The following NLGN1 variants were observed in gnomAD, a reference collection of about 807,000 sequenced individuals.
NLGN1 encodes neuroligin-1.
NLGN1 carries 12 observed loss-of-function variants against 65.5 expected under a neutral mutation model. The observed-to-expected ratio is 0.18, with a 90% CI of 0.12 to 0.30. The LOEUF is 0.30. Among genes scored for constraint, NLGN1 ranks in the 10% least tolerant of loss-of-function variants. The probability of loss-of-function intolerance (pLI) is 1.00; values close to 1 mark genes in which losing one functional copy is unlikely to be tolerated. For synonymous variants in NLGN1, 350 were observed against 359.5 expected, an observed-to-expected ratio of 0.97 and a Z score of 0.30; for missense variants, 750 against 1,007.1, an observed-to-expected ratio of 0.74 and a Z score of 3.46.
chr3:173,607,344 G>GTCT (rs1751548929), intron 3 of NLGN1, among the ~76,000 whole-genome samples: 2 of 151,766 alleles, frequency 1.3e-5, no homozygotes, highest in Admixed American at 1.3e-4. Context: ...AGTTTAAGTC[G>GTCT]GTTGTGCTTA....
At chr3:174,115,731 A>G (rs1258309801) in intron 4 of NLGN1, among the ~76,000 whole-genome samples, 1 of 152,220 alleles carries the variant, frequency 6.6e-6, no homozygotes, top group Non-Finnish European at 1.5e-5. Context: ...ACAATAACAA[A>G]GACAAAGCTC....
chr3:173,767,188 TAGAC>T lies in NLGN1; in HGVS notation c.494-40488_494-40485del, dbSNP rs367600463. Among the ~76,000 whole-genome samples the T allele has an allele frequency of 2.2e-4, 33 of 152,264 alleles. 1 individual carries two copies. Among genetic ancestry groups the T allele is most frequent in the South Asian group, 2.1e-3 (10 of 4,830 alleles). On this transcript the variant is annotated intron_variant, in intron 3 of 6. Coordinates refer to ENST00000457714, the Ensembl canonical transcript of NLGN1. The stretch of plus-strand genomic sequence containing the variant: ...TTCTTCAATAATGAGTATTTTCTAA[TAGAC>T]AGAGAAACAGAAATGTAAAATTGGT...
At chr3:174,235,007 TTTTTTTTTG>T (rs1444470581) in intron 4 of NLGN1, among the ~76,000 whole-genome samples, 8 of 125,424 alleles carry the variant, frequency 6.4e-5, no homozygotes, top group African/African-American at 2.1e-4. Flanking sequence ...TTTTTTTTTT[TTTTTTTTTG>T]TAAATAAGAG....
At chr3:174,246,979 C>T (rs1346062625) in intron 4 of NLGN1, among the ~76,000 whole-genome samples, 2 of 152,102 alleles carry the variant, frequency 1.3e-5, no homozygotes, top group African/African-American at 4.8e-5. Context: ...TGCTATGGTC[C>T]ATGTAGACAT....
At chr3:174,237,714 G>A (rs888548587) in intron 4 of NLGN1, among the ~76,000 whole-genome samples, 5 of 152,088 alleles carry the variant, frequency 3.3e-5, no homozygotes, top group African/African-American at 1.2e-4. Flanking sequence ...CCACCATAAT[G>A]TGTGGCTAAT....
intron 3 of NLGN1, among the ~76,000 whole-genome samples, chr3:173,681,744 C>G (rs971320538): frequency 6.6e-6 from 1 of 152,090 alleles, no homozygotes; most frequent in African/African-American, 2.4e-5. Context: ...CTTCACTGAC[C>G]ATAAGAATAC....
intron 2 of NLGN1, among the ~76,000 whole-genome samples, chr3:173,462,317 A>G (rs1432975747): frequency 6.6e-6 from 1 of 152,170 alleles, no homozygotes; most frequent in Non-Finnish European, 1.5e-5. Context: ...TAAGCAAGGT[A>G]CCAATGACAC....
intron 3 of NLGN1, among the ~76,000 whole-genome samples, chr3:173,721,334 T>C (rs2046719): frequency 0.56 from 84,539 of 152,136 alleles, 25,038 homozygotes; most frequent in East Asian, 0.75. Context: ...ATTTCTAATA[T>C]GCAAAAAGAT....
chr3:173,749,970 C>T lies in NLGN1; in HGVS notation c.494-57710C>T, dbSNP rs1327334950. ...CTCTCACGTGAAGGTAAACAGTTCCCAAACTAAGTAAAAGTGTGATGAAGT... is the reference window on the plus strand; with the variant it reads ...CTCTCACGTGAAGGTAAACAGTTCCTAAACTAAGTAAAAGTGTGATGAAGT... On this transcript the variant is annotated intron_variant, in intron 3 of 6. Transcript: ENST00000457714. Among the ~76,000 whole-genome samples the T allele has an allele frequency of 2.0e-5, 3 of 152,036 alleles. No homozygotes were observed. In the East Asian group the frequency reaches 5.8e-4, roughly 29 times the overall value.
At chr3:173,585,790 T>C (rs971054886) in intron 2 of NLGN1, among the ~76,000 whole-genome samples, 1 of 152,228 alleles carries the variant, frequency 6.6e-6, no homozygotes, top group African/African-American at 2.4e-5. Context: ...TCTTTCCAAC[T>C]GAGCGGTGCG....
Position 174,265,628 on chromosome 3 carries a change from A to G in NLGN1, c.647-9687A>G, listed in dbSNP as rs570929295. On this transcript the variant is annotated intron_variant, in intron 4 of 6. Coordinates refer to ENST00000457714, the Ensembl canonical transcript of NLGN1. ...CGGTACCTCAGATGGAAATGCAGAA[A>G]TCACCCGTCTTCTGCATCACTCATG... is the stretch of plus-strand genomic sequence containing the variant. Among the ~76,000 whole-genome samples the G allele has an allele frequency of 4.6e-5, 7 of 151,822 alleles. No homozygotes were observed. In the East Asian group the frequency reaches 1.4e-3, roughly 30 times the overall value.
At chr3:173,523,731 T>C (rs2149147149) in intron 2 of NLGN1, among the ~76,000 whole-genome samples, 1 of 151,760 alleles carries the variant, frequency 6.6e-6, no homozygotes, top group African/African-American at 2.4e-5. Context: ...TTGCTTTAGC[T>C]ATTTAGGCTC....
At chr3:173,483,586 CAAAGTT>C (rs994108759) in intron 2 of NLGN1, among the ~76,000 whole-genome samples, 6 of 151,934 alleles carry the variant, frequency 3.9e-5, no homozygotes, top group Admixed American at 1.3e-4. Flanking sequence ...CAGTTAAAGA[CAAAGTT>C]AATGATATTG....
At chr3:173,697,558 G>C in intron 3 of NLGN1, among the ~76,000 whole-genome samples, 1 of 151,680 alleles carries the variant, frequency 6.6e-6, no homozygotes, top group South Asian at 2.1e-4. Flanking sequence ...ACTGAGTTTC[G>C]CTCTTGTTGC....
rs554421601 is a variant in NLGN1 at position 173,766,556 on chromosome 3, T to C, written c.494-41124T>C. Among the ~76,000 whole-genome samples, 5 of 152,326 alleles carry C rather than the reference T, an allele frequency of 3.3e-5. No individual in the cohort carries two copies. The East Asian group carries it at 9.6e-4, about 29-fold the overall frequency. ...GACTATATTAGGTATGTGCTTGTCA[T>C]CTTACGTACATTCTTCATAATCCCA... On this transcript the variant is annotated intron_variant, in intron 3 of 6. Transcript: ENST00000457714.
intron 4 of NLGN1, among the ~76,000 whole-genome samples, chr3:173,883,292 G>C (rs1281161904): frequency 6.6e-6 from 1 of 152,172 alleles, no homozygotes; most frequent in African/African-American, 2.4e-5. Flanking sequence ...AAGGAGGCGA[G>C]AGATAAGGGA....
chr3:173,908,150 T>A (rs1282440615), intron 4 of NLGN1, among the ~76,000 whole-genome samples: 1 of 152,212 alleles, frequency 6.6e-6, no homozygotes, highest in African/African-American at 2.4e-5. Context: ...AGGGACCATT[T>A]ATACCAAATA....
chr3:173,480,929 T>C lies in NLGN1; in HGVS notation c.-321+45851T>C, dbSNP rs574643680. ...CACAATGAGTGTACGTGTATGTGTG[T>C]CTACACAAACCCTTAAATTGCATTT... On this transcript the variant is annotated intron_variant, in intron 2 of 6. Coordinates refer to ENST00000457714, the Ensembl canonical transcript of NLGN1. 2.0e-5 allele frequency among the ~76,000 whole-genome samples: 3 copies of C among 152,218 alleles called. No homozygotes were observed. The East Asian group carries it at 5.8e-4, about 29-fold the overall frequency.
chr3:173,777,806 A>C (rs1197222964), intron 3 of NLGN1, among the ~76,000 whole-genome samples: 2 of 151,846 alleles, frequency 1.3e-5, no homozygotes, highest in African/African-American at 4.8e-5. Context: ...AATTTCAGGA[A>C]ATGACTGCTT....
Sources: gnomAD v4.1 joint callset for allele counts (sites outside exome capture counted in the v4.1 genomes callset) on GRCh38, gnomAD v4.1.1 for gene constraint, MANE v1.5 for transcripts, NCBI Gene and HGNC (gene_info 2026-07-23, HGNC 2026-07-21) for gene names.